The following MUSK variants were observed in gnomAD, a reference collection of about 807,000 sequenced individuals.
MUSK encodes muscle associated receptor tyrosine kinase.
In MUSK, 55 loss-of-function variants were observed where a neutral mutation model predicts 88.7. The ratio of observed to expected loss-of-function variants is 0.62; its 90% CI spans 0.50 to 0.78. MUSK has a LOEUF of 0.78. Ranked by LOEUF, MUSK falls within the 30% of genes least tolerant of loss-of-function variation. The pLI, the probability that MUSK is intolerant of heterozygous loss-of-function variation, is 0.00. For synonymous variants in MUSK, 387 were observed against 391.9 expected (o/e 0.99, Z 0.15); for missense variants, 1,015 against 1,074.3 (o/e 0.94, Z 0.77).
chr9:110,677,943 A>AT (rs753210518), intron 1 of MUSK, among the ~76,000 whole-genome samples: 2 of 151,800 alleles, frequency 1.3e-5, no homozygotes, highest in African/African-American at 2.4e-5. Flanking sequence ...TTTTGCAAGG[A>AT]TTTTTTTTCT....
intron 5 of MUSK, among the ~76,000 whole-genome samples, chr9:110,728,999 C>A (rs2076925822): frequency 6.6e-6 from 1 of 151,638 alleles, no homozygotes; most frequent in African/African-American, 2.4e-5. Flanking sequence ...TGAAATAAAT[C>A]AGCATGAGAG....
At chr9:110,707,707 G>A (rs1249422780) in intron 5 of MUSK, among the ~76,000 whole-genome samples, 1 of 152,198 alleles carries the variant, frequency 6.6e-6, no homozygotes, top group Non-Finnish European at 1.5e-5. Context: ...GCAAATAAGA[G>A]CCAGGGAGGG....
intron 8 of MUSK, among the ~76,000 whole-genome samples, chr9:110,763,084 A>T (rs1160666193): frequency 6.6e-6 from 1 of 152,204 alleles, no homozygotes; most frequent in Non-Finnish European, 1.5e-5. Context: ...TACACAATAA[A>T]AAAAACAGTT....
chr9:110,785,968 T>C (rs2077852032), intron 13 of MUSK, among the ~76,000 whole-genome samples: 1 of 148,990 alleles, frequency 6.7e-6, no homozygotes, highest in African/African-American at 2.4e-5. Flanking sequence ...TACAATATTA[T>C]ATATGTATTA....
Position 110,800,398 on chromosome 9 carries a change from A to ACC in MUSK, c.2021_2022dup (p.Val675ProfsTer12). 2 of 1,613,702 alleles carry ACC rather than the reference A, an allele frequency of 1.2e-6. No homozygotes were observed. Among genetic ancestry groups the ACC allele is most frequent in the Non-Finnish European group, 1.7e-6 (2 of 1,179,808 alleles). On this transcript the variant is annotated frameshift_variant, in exon 15 of 15. Transcript: ENST00000374448. LOFTEE classifies it high-confidence loss of function. The stretch of plus-strand genomic sequence containing the variant: ...GTTCCTCCGCAGCATGTCCCCTCAC[A>ACC]CCGTGTGCAGCCTCAGTCACAGTGA...
chr9:110,729,834 G>A (rs2076940425), intron 5 of MUSK, among the ~76,000 whole-genome samples: 2 of 151,946 alleles, frequency 1.3e-5, no homozygotes, highest in South Asian at 4.1e-4. Flanking sequence ...GAAAAGAGAG[G>A]TAGTTCATCT....
intron 14 of MUSK, among the ~76,000 whole-genome samples, chr9:110,788,531 C>A (rs2077912927): frequency 6.6e-6 from 1 of 151,806 alleles, no homozygotes; most frequent in South Asian, 2.1e-4. Context: ...ACTCGGGAGG[C>A]TGAGGCATGA....
chr9:110,753,220 C>T (rs1202829808), intron 7 of MUSK, among the ~76,000 whole-genome samples: 2 of 152,114 alleles, frequency 1.3e-5, no homozygotes, highest in Admixed American at 1.3e-4. Flanking sequence ...CACCTGAAGT[C>T]AGGAGTTCGA....
At chr9:110,755,942 A>ATG (rs2077308716) in intron 7 of MUSK, among the ~76,000 whole-genome samples, 1 of 70,186 alleles carries the variant, frequency 1.4e-5, no homozygotes, top group Non-Finnish European at 2.8e-5. Flanking sequence ...ACATATATAT[A>ATG]TATATATACA....
intron 5 of MUSK, among the ~76,000 whole-genome samples, chr9:110,725,199 A>ATGAG (rs1279797460): frequency 6.6e-6 from 1 of 152,050 alleles, no homozygotes; most frequent in East Asian, 1.9e-4. Flanking sequence ...GTGGGAGCTA[A>ATGAG]GATAATGAGG....
intron 2 of MUSK, among the ~76,000 whole-genome samples, chr9:110,683,330 A>C (rs1248727649): frequency 6.6e-6 from 1 of 152,114 alleles, no homozygotes; most frequent in Admixed American, 6.6e-5. Flanking sequence ...TTATGGCTGA[A>C]TAGTACTCCA....
intron 1 of MUSK, among the ~76,000 whole-genome samples, chr9:110,682,308 A>T (rs1219648911): frequency 6.6e-6 from 1 of 152,070 alleles, no homozygotes; most frequent in African/African-American, 2.4e-5. Context: ...TTCCCTTCAG[A>T]CTCACTTCCC....
chr9:110,767,666 AGAC>A, intron 8 of MUSK, 151 bp from the exon 9 acceptor site: 1 of 788,970 alleles, frequency 1.3e-6, no homozygotes, highest in Non-Finnish European at 2.1e-6. Context: ...CTGGAAATGA[AGAC>A]AATATTCAAA....
rs540774797 is a variant in MUSK at position 110,759,135 on chromosome 9, T to G, written c.914-3067T>G. Among the ~76,000 whole-genome samples the G allele has an allele frequency of 3.9e-5, 6 of 152,162 alleles. No individual in the cohort carries two copies. The South Asian group carries it at 1.2e-3, about 32-fold the overall frequency. Reference sequence around the variant, plus strand: ...CATGGTACTGGTACAAAAACAGACATATAGACCACTGGAAGAGAATAGAGA... The same window carrying G: ...CATGGTACTGGTACAAAAACAGACAGATAGACCACTGGAAGAGAATAGAGA... On this transcript the variant is annotated intron_variant, in intron 7 of 14. Transcript: ENST00000374448.
At chr9:110,714,920 G>T (rs1290419713) in intron 5 of MUSK, among the ~76,000 whole-genome samples, 1 of 137,494 alleles carries the variant, frequency 7.3e-6, no homozygotes, top group African/African-American at 3.3e-5. Flanking sequence ...CTGTATAGAT[G>T]AGCATCTATG....
At chr9:110,686,313 G>A (rs1052395108) in intron 2 of MUSK, among the ~76,000 whole-genome samples, 11 of 151,856 alleles carry the variant, frequency 7.2e-5, no homozygotes, top group Non-Finnish European at 1.3e-4. Context: ...GGGACCATTC[G>A]AATAGTCCAG....
At chr9:110,781,434 G>A (rs1329786714) in intron 11 of MUSK, among the ~76,000 whole-genome samples, 1 of 152,034 alleles carries the variant, frequency 6.6e-6, no homozygotes, top group African/African-American at 2.4e-5. Flanking sequence ...CCACCACCAT[G>A]CCCAGCTAAT....
Position 110,784,958 on chromosome 9 carries a change from C to A in MUSK, c.1528C>A (p.Leu510Ile), listed in dbSNP as rs201639582. 1 of 1,613,870 alleles carries A rather than the reference C, an allele frequency of 6.2e-7. No individual in the cohort carries two copies. The highest frequency in any genetic ancestry group is 1.3e-5 in the African/African-American group (1 of 75,044). ...GTCCAGCTTTGCAATATTTGTGCTT[C>A]TTACCATAACTACTCTCTATTGCTG... The part of the protein sequence containing the change: ...IMSSFAIFVL[L>I]TITTLYCCRR... Residue 510 changes from leucine (L) to isoleucine (I), a missense_variant, in exon 12 of 15, where the codon CTT (leucine) becomes ATT (isoleucine). By Grantham distance (5) the Leu-to-Ile change is conservative. Transcript: ENST00000374448.
intron 7 of MUSK, among the ~76,000 whole-genome samples, chr9:110,756,839 T>C (rs2077331436): frequency 6.7e-6 from 1 of 150,266 alleles, no homozygotes; most frequent in South Asian, 2.1e-4. Context: ...AAATGTCAAG[T>C]TGTATGTGTG....
Sources: gnomAD v4.1 joint callset for allele counts (sites outside exome capture counted in the v4.1 genomes callset) on GRCh38, gnomAD v4.1.1 for gene constraint, MANE v1.5 for transcripts, NCBI Gene and HGNC (gene_info 2026-07-23, HGNC 2026-07-21) for gene names.